Variants in NELL1 observed in about 807,000 individuals in gnomAD.
NELL1 encodes the protein neural EGFL like 1.
Under a neutral mutation model 107.4 loss-of-function variants are expected in NELL1, and 76 were observed. The observed-to-expected ratio is 0.71, with a 90% CI of 0.59 to 0.86. The LOEUF is 0.86. NELL1 is among the 40% of genes least tolerant of loss of function. The pLI is 0.00. For synonymous variants in NELL1, 353 were observed against 341.2 expected, an observed-to-expected ratio of 1.03 and a Z score of -0.38; for missense variants, 1,024 against 1,005.5, an observed-to-expected ratio of 1.02 and a Z score of -0.25.
intron 15 of NELL1, among the ~76,000 whole-genome samples, chr11:21,399,231 G>A (rs964373249): frequency 2.6e-5 from 4 of 151,658 alleles, no homozygotes; most frequent in Non-Finnish European, 5.9e-5. Context: ...TCAACTTTGT[G>A]ACTGATGAGT....
At chr11:20,788,202 A>T (rs1180543133) in intron 3 of NELL1, among the ~76,000 whole-genome samples, 1 of 152,090 alleles carries the variant, frequency 6.6e-6, no homozygotes, top group East Asian at 1.9e-4. Flanking sequence ...ACATGTTTTT[A>T]TTTCCTTGGG....
At chr11:21,211,557 G>A (rs965005335) in intron 13 of NELL1, among the ~76,000 whole-genome samples, 21 of 152,164 alleles carry the variant, frequency 1.4e-4, no homozygotes, top group Admixed American at 1.2e-3. Context: ...TGCTGTAAGT[G>A]CAGTATGAAA....
intron 12 of NELL1, among the ~76,000 whole-genome samples, chr11:21,101,566 G>C (rs1854815644): frequency 6.6e-6 from 1 of 152,074 alleles, no homozygotes; most frequent in Non-Finnish European, 1.5e-5. Flanking sequence ...TTGTGGTTTT[G>C]ATTTGCATTT....
intron 2 of NELL1, among the ~76,000 whole-genome samples, chr11:20,699,189 C>T (rs1854704467): frequency 6.6e-6 from 1 of 151,734 alleles, no homozygotes; most frequent in Non-Finnish European, 1.5e-5. Flanking sequence ...TGTACTCCAG[C>T]CTGGGCAACA....
chr11:21,456,703 C>T (rs535831401), intron 15 of NELL1, among the ~76,000 whole-genome samples: 1 of 151,952 alleles, frequency 6.6e-6, no homozygotes, highest in African/African-American at 2.4e-5. Context: ...AGCCAGCCTA[C>T]TATACAGATT....
chr11:21,071,381 G>A (rs1678756435), intron 12 of NELL1, among the ~76,000 whole-genome samples: 1 of 152,100 alleles, frequency 6.6e-6, no homozygotes, highest in South Asian at 2.1e-4. Flanking sequence ...CAACATGTCT[G>A]GCACATATTG....
At chr11:20,925,014 T>G (rs1235852386) in intron 7 of NELL1, among the ~76,000 whole-genome samples, 5 of 152,204 alleles carry the variant, frequency 3.3e-5, no homozygotes, top group Non-Finnish European at 4.4e-5. Context: ...GACATTGTAT[T>G]ACTTATTATA....
chr11:20,943,890 G>A (rs574647568), intron 10 of NELL1, among the ~76,000 whole-genome samples: 1 of 152,322 alleles, frequency 6.6e-6, no homozygotes, highest in South Asian at 2.1e-4. Flanking sequence ...ATATCAGATT[G>A]GTCAGGCTAT....
intron 12 of NELL1, among the ~76,000 whole-genome samples, chr11:21,057,409 G>T (rs540332026): frequency 1.1e-4 from 16 of 151,898 alleles, no homozygotes; most frequent in Admixed American, 1.1e-3. Flanking sequence ...TTCATCAAGT[G>T]TCTTAAAATG....
intron 1 of NELL1, among the ~76,000 whole-genome samples, chr11:20,673,106 C>T (rs1853961307): frequency 6.6e-6 from 1 of 151,772 alleles, no homozygotes; most frequent in African/African-American, 2.4e-5. Flanking sequence ...AGGTGATCTG[C>T]CCGCCTCGGC....
chr11:20,785,276 G>A (rs1856931231), intron 3 of NELL1, among the ~76,000 whole-genome samples: 1 of 152,216 alleles, frequency 6.6e-6, no homozygotes, highest in South Asian at 2.1e-4. Flanking sequence ...CGTGGTGATG[G>A]ACCCTGATCA....
intron 3 of NELL1, among the ~76,000 whole-genome samples, chr11:20,787,241 G>A (rs1200301477): frequency 1.3e-4 from 19 of 151,938 alleles, no homozygotes; most frequent in Admixed American, 1.1e-3. Context: ...GATTTGTAAT[G>A]TAATGGCTGG....
chr11:21,483,762 G>C (rs1322843260), intron 15 of NELL1, among the ~76,000 whole-genome samples: 3 of 150,124 alleles, frequency 2.0e-5, no homozygotes, highest in Non-Finnish European at 4.4e-5. Flanking sequence ...TTTAGCATAA[G>C]GTGTAATTAA....
At chr11:21,543,684 T>C (rs1856354037) in intron 16 of NELL1, among the ~76,000 whole-genome samples, 1 of 152,008 alleles carries the variant, frequency 6.6e-6, no homozygotes. Context: ...CTGCCATACA[T>C]AGATAAGCCT....
chr11:20,726,442 C>T (rs372007734), intron 2 of NELL1, among the ~76,000 whole-genome samples: 28 of 147,832 alleles, frequency 1.9e-4, no homozygotes, highest in Middle Eastern at 3.2e-3. Context: ...TCACTAGCAC[C>T]GGAAAAGATA....
chr11:21,021,296 G>T (rs931281998), intron 12 of NELL1, among the ~76,000 whole-genome samples: 8 of 151,890 alleles, frequency 5.3e-5, no homozygotes, highest in Non-Finnish European at 1.2e-4. Flanking sequence ...GGGGTGGGGT[G>T]TGAATATGAA....
chr11:21,046,948 C>T (rs1853371025), intron 12 of NELL1, among the ~76,000 whole-genome samples: 1 of 151,104 alleles, frequency 6.6e-6, no homozygotes, highest in South Asian at 2.1e-4. Flanking sequence ...AATACTTGGG[C>T]TCAAGTGATA....
At chr11:20,727,355 G>T (rs1410060761) in intron 2 of NELL1, among the ~76,000 whole-genome samples, 2 of 152,230 alleles carry the variant, frequency 1.3e-5, no homozygotes, top group East Asian at 3.8e-4. Flanking sequence ...CAGTGATGAT[G>T]AGCATTTTTT....
At position 21,386,383 on chromosome 11, in the gene NELL1, C is replaced by T. The variant is rs138991099; in HGVS notation, c.1645+15435C>T. ...TTCTGAATGACAGAAGCATTAACAT[C>T]TTTTTTTAAAAAAACCTTGATATTC... On this transcript the variant is annotated intron_variant, in intron 15 of 19. Transcript: ENST00000357134. Among the ~76,000 whole-genome samples the T allele has an allele frequency of 1.5e-3, 234 of 151,860 alleles. 1 individual carries two copies. Among genetic ancestry groups the T allele is most frequent in the Non-Finnish European group, 2.4e-3 (161 of 67,870 alleles).
Sources: gnomAD v4.1 joint callset for allele counts (sites outside exome capture counted in the v4.1 genomes callset) on GRCh38, gnomAD v4.1.1 for gene constraint, MANE v1.5 for transcripts, NCBI Gene and HGNC (gene_info 2026-07-23, HGNC 2026-07-21) for gene names.